The following EDN1 variants were observed in gnomAD, a reference collection of about 807,000 sequenced individuals.
EDN1 encodes the protein endothelin-1.
In EDN1, 11 loss-of-function variants were observed where a neutral mutation model predicts 21.7. The observed-to-expected ratio is 0.51, with a 90% CI of 0.32 to 0.84. The LOEUF is 0.84. Ranked by LOEUF, EDN1 falls within the 40% of genes least tolerant of loss-of-function variation. The probability of loss-of-function intolerance (pLI) is 0.03; values close to 1 mark genes in which losing one functional copy is unlikely to be tolerated. For missense variants in EDN1, 244 were observed against 262.3 expected (o/e 0.93, Z 0.48); for synonymous variants, 85 against 90.6 (o/e 0.94, Z 0.35).
chr6:12,264,782 A>G, the EDN1 span, among the ~76,000 whole-genome samples: 1 of 152,200 alleles, frequency 6.6e-6, no homozygotes, highest in Non-Finnish European at 1.5e-5. Context: ...GAGCCAGAAG[A>G]TGGGGAGAAC....
the EDN1 span, among the ~76,000 whole-genome samples, chr6:12,276,788 C>T: frequency 6.6e-6 from 1 of 152,192 alleles, no homozygotes; most frequent in African/African-American, 2.4e-5. Flanking sequence ...TGCTCAAACA[C>T]CAATGCCTGG....
the EDN1 span, among the ~76,000 whole-genome samples, chr6:12,242,461 AAGTTATTTT>A: frequency 6.6e-6 from 1 of 152,086 alleles, no homozygotes; most frequent in Non-Finnish European, 1.5e-5. Flanking sequence ...AGCCCTGGGA[AAGTTATTTT>A]ACCTCTCTGT....
chr6:12,293,993 A>G lies in EDN1; in HGVS notation c.286A>G (p.Asn96Asp). The G allele has an allele frequency of 1.2e-6, 2 of 1,614,190 alleles. No individual in the cohort carries two copies. The highest frequency in any genetic ancestry group is 1.3e-5 in the African/African-American group (1 of 75,046). The change falls in exon 3 of 5, where the codon AAT (asparagine) becomes GAT (aspartate). Residue 96 changes from asparagine to aspartate, a missense_variant. By Grantham distance (23) the Asn-to-Asp change is conservative. Transcript: ENST00000379375. ...CCCTAGGTCCAAGAGAGCCTTGGAG[A>G]ATTTACTTCCCACAAAGGCAACAGA... ...GSPRSKRALE[N>D]LLPTKATDRE...
the EDN1 span, among the ~76,000 whole-genome samples, chr6:12,256,285 C>T: frequency 9.2e-5 from 14 of 152,102 alleles, no homozygotes; most frequent in East Asian, 1.9e-4. Context: ...CCCAGGAGGC[C>T]GAGGCTACAG....
chr6:12,246,900 G>A, the EDN1 span, among the ~76,000 whole-genome samples: 1 of 152,108 alleles, frequency 6.6e-6, no homozygotes, highest in Non-Finnish European at 1.5e-5. Flanking sequence ...TGAGACCCTT[G>A]TAAGAATCAA....
At chr6:12,247,203 C>T in the EDN1 span, among the ~76,000 whole-genome samples, 1 of 152,142 alleles carries the variant, frequency 6.6e-6, no homozygotes. Context: ...CAGGCCACAG[C>T]ATCTACTTGG....
the EDN1 span, among the ~76,000 whole-genome samples, chr6:12,247,511 G>A: frequency 7.0e-6 from 1 of 141,920 alleles, no homozygotes; most frequent in Non-Finnish European, 1.5e-5. Context: ...TCTAAAGGAT[G>A]ATTTCTTTTT....
chr6:12,240,305 C>A, the EDN1 span, among the ~76,000 whole-genome samples: 1 of 152,160 alleles, frequency 6.6e-6, no homozygotes, highest in Admixed American at 6.5e-5. Context: ...AACCCACAGG[C>A]GGCAGTGAAT....
the EDN1 span, among the ~76,000 whole-genome samples, chr6:12,284,476 C>T: frequency 1.3e-5 from 2 of 150,392 alleles, no homozygotes; most frequent in African/African-American, 2.5e-5. Context: ...TGCACTCCAG[C>T]CTGGGTGACA....
the EDN1 span, among the ~76,000 whole-genome samples, chr6:12,237,805 T>C: frequency 6.6e-6 from 1 of 152,166 alleles, no homozygotes; most frequent in Non-Finnish European, 1.5e-5. Flanking sequence ...ACTCCCAAAC[T>C]GCATCGTCTG....
In EDN1 at chr6:12,290,525, T is replaced by G; in HGVS notation, c.-105T>G. 99 of 921,626 alleles carry G rather than the reference T, an allele frequency of 1.1e-4. No homozygotes were observed. The highest frequency in any genetic ancestry group is 1.7e-4 in the East Asian group (7 of 40,398). 57.1% of individuals were successfully genotyped at this position (921,626 alleles called of 1,614,324 possible). A position where few individuals can be genotyped will look rare whatever the true frequency, so the allele number is the denominator to read the frequency against. On this transcript the variant is annotated 5_prime_UTR_variant, in exon 1 of 5. Transcript: ENST00000379375. ...GGGCACTTGGGCTGAAGGATCGCTT[T>G]GAGATCTGAGGAACCCGCAGCGCTT...
At chr6:12,281,551 A>G in the EDN1 span, among the ~76,000 whole-genome samples, 1 of 152,240 alleles carries the variant, frequency 6.6e-6, no homozygotes, top group African/African-American at 2.4e-5. Context: ...TATCTGAGTG[A>G]GGAGTTGATC....
chr6:12,294,174 T>A, intron 3 of EDN1, 78 bp downstream of exon 3: 1 of 1,613,268 alleles, frequency 6.2e-7, no homozygotes, highest in Non-Finnish European at 8.5e-7. Flanking sequence ...TGCCTTCCTG[T>A]TTTAGAGAGA....
chr6:12,294,142 G>A, intron 3 of EDN1, 46 bp downstream of exon 3: 1 of 1,613,954 alleles, frequency 6.2e-7, no homozygotes, highest in Non-Finnish European at 8.5e-7. Context: ...ACAGCCTCCT[G>A]AACTCCTTCC....
At chr6:12,290,805 T>TAG in intron 1 of EDN1, 112 bp downstream of exon 1, 3 of 911,916 alleles carry the variant, frequency 3.3e-6, no homozygotes, top group Non-Finnish European at 1.8e-6. Flanking sequence ...GACTGCAGCT[T>TAG]AGAGAGCAAG....
At chr6:12,243,505 T>C in the EDN1 span, among the ~76,000 whole-genome samples, 14 of 152,212 alleles carry the variant, frequency 9.2e-5, no homozygotes, top group Non-Finnish European at 1.5e-4. Context: ...ACTGTATTCC[T>C]ATCTGTACTC....
upstream of EDN1, among the ~76,000 whole-genome samples, chr6:12,286,354 G>T (rs1008000875): frequency 2.6e-5 from 4 of 152,200 alleles, no homozygotes; most frequent in Admixed American, 2.6e-4. Context: ...ATAGGGAGAA[G>T]CTGTGTTTCT....
chr6:12,248,138 C>T, the EDN1 span, among the ~76,000 whole-genome samples: 12 of 151,858 alleles, frequency 7.9e-5, no homozygotes, highest in Middle Eastern at 6.8e-3. Flanking sequence ...ACAACAAGAT[C>T]GAGGGAAAGA....
At chr6:12,256,674 T>A in the EDN1 span, among the ~76,000 whole-genome samples, 2 of 152,208 alleles carry the variant, frequency 1.3e-5, no homozygotes, top group East Asian at 3.8e-4. Context: ...GAGGTTTTCT[T>A]GGGTCTGTGA....
Sources: gnomAD v4.1 joint callset for allele counts (sites outside exome capture counted in the v4.1 genomes callset) on GRCh38, gnomAD v4.1.1 for gene constraint, MANE v1.5 for transcripts, NCBI Gene and HGNC (gene_info 2026-07-23, HGNC 2026-07-21) for gene names.